The following CLRN1 variants were observed in gnomAD, a reference collection of about 807,000 sequenced individuals.
CLRN1 encodes the protein clarin 1, also known as clarin-1.
In CLRN1, 15 loss-of-function variants were observed where a neutral mutation model predicts 18.7. That is an observed-to-expected ratio of 0.80 (90% CI 0.54 to 1.23). CLRN1 has a LOEUF of 1.23. Among genes scored for constraint, CLRN1 ranks in the 50% most tolerant of loss-of-function variants. The pLI is 0.00. For synonymous variants in CLRN1, 104 were observed against 102.9 expected (o/e 1.01, Z -0.07); for missense variants, 311 against 277.5 (o/e 1.12, Z -0.86).
intron 1 of CLRN1, among the ~76,000 whole-genome samples, chr3:150,960,819 C>T (rs1199584967): frequency 1.3e-5 from 2 of 152,250 alleles, no homozygotes; most frequent in Non-Finnish European, 2.9e-5. Context: ...TAGCTTAGAT[C>T]TTCCATCAAG....
intron 1 of CLRN1, among the ~76,000 whole-genome samples, chr3:150,952,745 G>A (rs751186516): frequency 9.2e-5 from 14 of 152,068 alleles, no homozygotes; most frequent in Non-Finnish European, 1.9e-4. Context: ...TAAAATTGAG[G>A]GTTGTTACCA....
intron 2 of CLRN1, among the ~76,000 whole-genome samples, chr3:150,939,761 G>A (rs536132343): frequency 1.1e-4 from 16 of 152,236 alleles, no homozygotes; most frequent in South Asian, 1.0e-3. Flanking sequence ...CACACCACCC[G>A]GATCCACCTG....
intron 1 of CLRN1, among the ~76,000 whole-genome samples, chr3:150,970,919 A>G (rs1576650197): frequency 6.6e-6 from 1 of 152,240 alleles, no homozygotes; most frequent in African/African-American, 2.4e-5. Flanking sequence ...CAAAGCATAT[A>G]AAGTGCTTAG....
intron 1 of CLRN1, among the ~76,000 whole-genome samples, chr3:150,966,428 T>G: frequency 6.6e-6 from 1 of 152,324 alleles, no homozygotes; most frequent in Admixed American, 6.5e-5. Flanking sequence ...TCAGCAAGGC[T>G]TGGAAGAGGA....
At chr3:150,965,477 T>C (rs1395155421) in intron 1 of CLRN1, among the ~76,000 whole-genome samples, 1 of 152,244 alleles carries the variant, frequency 6.6e-6, no homozygotes, top group Admixed American at 6.5e-5. Flanking sequence ...ACTGATATAC[T>C]TTTATGATTC....
At chr3:150,949,688 A>G (rs1025495421) in intron 1 of CLRN1, among the ~76,000 whole-genome samples, 8 of 152,236 alleles carry the variant, frequency 5.3e-5, no homozygotes, top group African/African-American at 1.9e-4. Flanking sequence ...GCTTGAAGAA[A>G]TCAGAGAAGA....
chr3:150,970,651 G>A lies in CLRN1; in HGVS notation c.253+1805C>T, dbSNP rs115252807. Among the ~76,000 whole-genome samples, 981 of 152,256 alleles carry A rather than the reference G, an allele frequency of 6.4e-3. 10 individuals are homozygous for A. The highest frequency in any genetic ancestry group is 0.019 in the African/African-American group (809 of 41,540). On this transcript the variant is annotated intron_variant, in intron 1 of 2. Coordinates refer to ENST00000327047, the MANE Select transcript of CLRN1 (RefSeq NM_174878.3). ...GTATATTGATGGAGCTGTCACTGCA[G>A]AATGAACAAGTAAATGGAAGATTTT... is the stretch of plus-strand genomic sequence containing the variant.
At chr3:150,928,763 G>T (rs966975981) in intron 2 of CLRN1, among the ~76,000 whole-genome samples, 2 of 152,186 alleles carry the variant, frequency 1.3e-5, no homozygotes, top group South Asian at 4.1e-4. Context: ...TTGAGGTGGC[G>T]CACATCTCTA....
intron 2 of CLRN1, among the ~76,000 whole-genome samples, chr3:150,932,148 AT>A (rs1713190055): frequency 6.6e-6 from 1 of 152,192 alleles, no homozygotes; most frequent in Admixed American, 6.5e-5. Context: ...TGATCAGTCA[AT>A]TAACAAACGT....
At chr3:150,957,175 C>T (rs1208016150) in intron 1 of CLRN1, among the ~76,000 whole-genome samples, 1 of 151,946 alleles carries the variant, frequency 6.6e-6, no homozygotes, top group African/African-American at 2.4e-5. Context: ...CTGTCTTCAG[C>T]CTTTTCCTCT....
In CLRN1 at chr3:150,936,576, G is replaced by T. The variant is rs566869358; in HGVS notation, c.433+5006C>A. Among the ~76,000 whole-genome samples, 176 of 152,238 alleles carry T rather than the reference G, an allele frequency of 1.2e-3. 1 individual carries two copies. Among genetic ancestry groups the T allele is most frequent in the African/African-American group, 4.0e-3 (167 of 41,566 alleles). ...TGAATGTACTTTCAGAATGTTTTTA[G>T]AATCCATTCATCTTTTTCCATCTCC... On this transcript the variant is annotated intron_variant, in intron 2 of 2. Transcript: ENST00000327047.
intron 2 of CLRN1, among the ~76,000 whole-genome samples, chr3:150,936,898 G>T (rs1055977896): frequency 6.6e-6 from 1 of 151,940 alleles, no homozygotes; most frequent in African/African-American, 2.4e-5. Flanking sequence ...TCTTCTACTT[G>T]GGACGTTCTG....
intron 1 of CLRN1, among the ~76,000 whole-genome samples, chr3:150,956,569 C>G (rs1391985205): frequency 6.6e-6 from 1 of 152,162 alleles, no homozygotes; most frequent in African/African-American, 2.4e-5. Context: ...CTGTCATACC[C>G]TCATTACTCG....
chr3:150,945,856 G>A (rs749430844), intron 1 of CLRN1, among the ~76,000 whole-genome samples: 9 of 152,122 alleles, frequency 5.9e-5, no homozygotes, highest in Non-Finnish European at 1.3e-4. Flanking sequence ...TGAGGCAGCT[G>A]GGCAATCTAT....
At chr3:150,952,318 G>A (rs1714530277) in intron 1 of CLRN1, among the ~76,000 whole-genome samples, 1 of 152,110 alleles carries the variant, frequency 6.6e-6, no homozygotes, top group Admixed American at 6.5e-5. Context: ...GGCACTAAGC[G>A]CAGCTCCCAG....
intron 1 of CLRN1, among the ~76,000 whole-genome samples, chr3:150,959,637 A>G (rs1714929345): frequency 6.6e-6 from 1 of 152,026 alleles, no homozygotes; most frequent in African/African-American, 2.4e-5. Flanking sequence ...TCAAAAAAAA[A>G]AAAAAAAAAG....
At chr3:150,933,517 G>C (rs917522917) in intron 2 of CLRN1, among the ~76,000 whole-genome samples, 22 of 152,144 alleles carry the variant, frequency 1.4e-4, no homozygotes, top group Non-Finnish European at 2.9e-5. Context: ...TGCAAAGGAA[G>C]TAGGTGGTTT....
chr3:150,967,515 G>A (rs1249004725), intron 1 of CLRN1, among the ~76,000 whole-genome samples: 2 of 152,098 alleles, frequency 1.3e-5, no homozygotes, highest in Non-Finnish European at 2.9e-5. Context: ...TGGTGAAATG[G>A]TGCATATAGC....
intron 1 of CLRN1, among the ~76,000 whole-genome samples, chr3:150,960,534 C>A (rs1223208347): frequency 6.6e-6 from 1 of 152,130 alleles, no homozygotes; most frequent in Non-Finnish European, 1.5e-5. Flanking sequence ...ATAACTAATG[C>A]AGGAACTTTG....
Sources: allele counts gnomAD v4.1 joint callset (sites outside exome capture counted in the v4.1 genomes callset), GRCh38; gene constraint gnomAD v4.1.1; transcripts MANE v1.5; gene names NCBI Gene and HGNC (gene_info 2026-07-23, HGNC 2026-07-21).